The following EIF4A2 variants were observed in gnomAD, a reference collection of about 807,000 sequenced individuals.
The protein encoded by EIF4A2 is eukaryotic translation initiation factor 4A2, also known as eukaryotic initiation factor 4A-II.
Under a neutral mutation model 50.6 loss-of-function variants are expected in EIF4A2, and 9 were observed. The ratio of observed to expected loss-of-function variants is 0.18; its 90% confidence interval spans 0.11 to 0.31. EIF4A2 has a LOEUF of 0.31. EIF4A2 is among the 10% of genes least tolerant of loss of function. The pLI is 1.00. For missense variants in EIF4A2, 182 were observed against 501.8 expected, an observed-to-expected ratio of 0.36 and a Z score of 6.09; for synonymous variants, 215 against 164.4, an observed-to-expected ratio of 1.31 and a Z score of -2.35.
At chr3:186,786,338 C>CAATA (rs1553797962) in intron 6 of EIF4A2, 65 bp downstream of exon 6, 1 of 1,538,118 alleles carries the variant, frequency 6.5e-7, no homozygotes, top group Non-Finnish European at 8.8e-7. Context: ...GGTACTGTTA[C>CAATA]AATACAACTG....
At chr3:186,785,530 G>T in intron 4 of EIF4A2, 1 of 305,534 alleles carries the variant, frequency 3.3e-6, no homozygotes, top group Non-Finnish European at 6.1e-6. Flanking sequence ...GATTATATAA[G>T]GCACAATACC....
chr3:186,787,675 G>T, intron 9 of EIF4A2, 91 bp downstream of exon 9: 1 of 1,590,536 alleles, frequency 6.3e-7, no homozygotes, highest in Non-Finnish European at 8.6e-7. Context: ...TGGGCTATTT[G>T]GAAGAGTAAA....
chr3:186,786,616 A>G lies in EIF4A2; in HGVS notation c.742A>G (p.Lys248Glu). 6.2e-7 allele frequency: 1 copy of G among 1,614,076 alleles called. No homozygotes were observed. The change falls in exon 7 of 11, where the codon AAA becomes GAA. Residue 248 changes from lysine to glutamate, a missense_variant. Lys to Glu is a moderately conservative substitution (Grantham distance 56). Around this residue, in one of 7 missense-constraint regions of EIF4A2, gnomAD observed 113 missense variants for 357.3 expected, o/e 0.32. Coordinates refer to ENST00000323963, the MANE Select transcript of EIF4A2 (RefSeq NM_001967.4). ...GGAAGAATTGACCCTTGAAGGAATC[A>G]AACAGTTTTATATTAATGTTGAGAG... The part of the protein sequence containing the change: ...KKEELTLEGI[K>E]QFYINVEREE...
At position 186,786,558 on chromosome 3, in the gene EIF4A2, C is replaced by T. The variant is rs1348370482; in HGVS notation, c.684C>T (p.Phe228=). The change falls in exon 7 of 11, where the codon TTC becomes TTT. Residue 228 remains phenylalanine, a synonymous_variant. Transcript: ENST00000323963. Reference sequence around the variant, plus strand: ...ATGTGTTGGAAGTGACCAAAAAATTCATGAGAGATCCAATTCGAATTCTGG... The same window carrying T: ...ATGTGTTGGAAGTGACCAAAAAATTTATGAGAGATCCAATTCGAATTCTGG... ...PTDVLEVTKK[F]MRDPIRILVK... 2.5e-6 allele frequency: 4 copies of T among 1,613,240 alleles called. No homozygotes were observed. In the African/African-American group the frequency reaches 4.0e-5, roughly 16 times the overall value.
In EIF4A2 at chr3:186,789,345, CTTTGGGAATA is replaced by C. The variant is rs1430682843; in HGVS notation, c.*81_*90del. Reference sequence around the variant, plus strand: ...ATCACAACGTGCATTGTGCTTCTTTCTTTGGGAATATTTGAATCTTGTCTCAATGCTCATA... The same window carrying C: ...ATCACAACGTGCATTGTGCTTCTTTCTTTGAATCTTGTCTCAATGCTCATA... On this transcript the variant is annotated 3_prime_UTR_variant, in exon 11 of 11. Transcript: ENST00000323963. 2 of 1,511,504 alleles carry C rather than the reference CTTTGGGAATA, an allele frequency of 1.3e-6. No homozygotes were observed. Among genetic ancestry groups the C allele is most frequent in the African/African-American group, 2.8e-5 (2 of 71,336 alleles). The allele number at this position is 1,511,504 out of a possible 1,614,324, so 93.6% of individuals were successfully genotyped here.
chr3:186,785,302 AT>A (rs1721626785), intron 4 of EIF4A2: 10 of 695,592 alleles, frequency 1.4e-5, no homozygotes, highest in Middle Eastern at 4.1e-4. Context: ...ATACTAATAG[AT>A]TGAGAATCCG....
At chr3:186,787,736 T>G in intron 9 of EIF4A2, 67 bp from the exon 10 acceptor site, 1 of 1,604,896 alleles carries the variant, frequency 6.2e-7, no homozygotes, top group Non-Finnish European at 8.5e-7. Context: ...CGCTACTATT[T>G]TGTGGCCTAC....
At chr3:186,784,330 G>T (rs1029127128) in intron 1 of EIF4A2, 102 bp from the exon 2 acceptor site, 1 of 1,546,768 alleles carries the variant, frequency 6.5e-7, no homozygotes, top group Non-Finnish European at 8.9e-7. Context: ...AGCTTGTGCA[G>T]GGGAGGCTAA....
rs1350715504 is a variant in EIF4A2 at position 186,789,460 on chromosome 3, C to CT, written c.*194dup. On this transcript the variant is annotated 3_prime_UTR_variant, in exon 11 of 11. Coordinates refer to ENST00000323963, the MANE Select transcript of EIF4A2 (RefSeq NM_001967.4). ...TGAGGAAAGTCATTGGCTTTATCCT[C>CT]TTTAGAGTTAGACTGTTGGGGTGGG... The CT allele has an allele frequency of 4.5e-6, 3 of 668,874 alleles. No homozygotes were observed. The highest frequency in any genetic ancestry group is 1.9e-5 in the African/African-American group (1 of 53,344). The allele number at this position is 668,874 out of a possible 1,614,324, so 41.4% of individuals were successfully genotyped here. A position where few individuals can be genotyped will look rare whatever the true frequency, so the allele number is the denominator to read the frequency against.
Position 186,789,762 on chromosome 3 carries a change from T to TTA in EIF4A2, c.*493_*494insTA. ...TTTATTCAATAAAGTATTTAATTAG[T>TTA]GCTAAGTGTGAACTGGACCCTGTTG... On this transcript the variant is annotated 3_prime_UTR_variant, in exon 11 of 11. Coordinates refer to ENST00000323963, the MANE Select transcript of EIF4A2 (RefSeq NM_001967.4). 1 of 534,450 alleles carries TTA rather than the reference T, an allele frequency of 1.9e-6. No individual in the cohort carries two copies. The highest frequency in any genetic ancestry group is 3.3e-6 in the Non-Finnish European group (1 of 302,386). 33.1% of individuals were successfully genotyped at this position (534,450 alleles called of 1,614,324 possible).
At chr3:186,787,012 G>C in intron 7 of EIF4A2, 115 bp from the exon 8 acceptor site, 1 of 1,429,566 alleles carries the variant, frequency 7.0e-7, no homozygotes, top group Admixed American at 1.9e-5. Context: ...TAAGTGCTAG[G>C]ATCCCAAAGG....
At position 186,783,653 on chromosome 3, in the gene EIF4A2, T is replaced by G; in HGVS notation, c.29+14T>G. 1 of 1,614,152 alleles carries G rather than the reference T, an allele frequency of 6.2e-7. No homozygotes were observed. Among genetic ancestry groups the G allele is most frequent in the Non-Finnish European group, 8.5e-7 (1 of 1,180,016 alleles). On this transcript the variant is annotated intron_variant, in intron 1 of 10. Transcript: ENST00000323963. ...GGATTATAACAGGTATGCAGTCTGT[T>G]GGCGGTCGCGGTCTGTAGTGAAGGT...
chr3:186,784,261 A>C, intron 1 of EIF4A2, 171 bp from the exon 2 acceptor site: 1 of 933,986 alleles, frequency 1.1e-6, no homozygotes, highest in South Asian at 1.7e-5. Context: ...GGGCATCCGC[A>C]GGCCCCAACC....
chr3:186,789,062 C>CATG, intron 10 of EIF4A2, 63 bp from the exon 11 acceptor site: 1 of 1,527,384 alleles, frequency 6.5e-7, no homozygotes, highest in Non-Finnish European at 8.8e-7. Context: ...ACAAGTGGAT[C>CATG]GTCATGTTCA....
chr3:186,788,456 T>A (rs1341039917), intron 10 of EIF4A2: 7 of 1,230,520 alleles, frequency 5.7e-6, no homozygotes, highest in East Asian at 5.7e-5. Context: ...CATGATTATT[T>A]GATTTTTAAG....
chr3:186,784,370 CGCTTAA>C (rs1721567435), intron 1 of EIF4A2, 56 bp from the exon 2 acceptor site: 35 of 1,612,546 alleles, frequency 2.2e-5, no homozygotes, highest in Non-Finnish European at 2.8e-5. Flanking sequence ...AAGGGCTATG[CGCTTAA>C]GGTGCAGTTG....
intron 3 of EIF4A2, 58 bp downstream of exon 3, chr3:186,784,754 G>GA (rs926024001): frequency 2.5e-6 from 4 of 1,609,980 alleles, no homozygotes; most frequent in African/African-American, 2.7e-5. Context: ...CCATAAAAGG[G>GA]AAAGTAACCT....
chr3:186,789,801 A>G lies in EIF4A2; in HGVS notation c.*532A>G, dbSNP rs1033050793. 6.8e-6 allele frequency: 4 copies of G among 585,314 alleles called. No individual in the cohort carries two copies. Among genetic ancestry groups the G allele is most frequent in the Non-Finnish European group, 1.2e-5 (4 of 333,102 alleles). The allele number at this position is 585,314 out of a possible 1,614,324, so 36.3% of individuals were successfully genotyped here. ...TGGACCCTGTTGCTAAGCCCCAGCA[A>G]GCAATCCTAGGTAGGGTTTAATCCC... On this transcript the variant is annotated 3_prime_UTR_variant, in exon 11 of 11. Transcript: ENST00000323963.
chr3:186,789,027 ATAAG>A (rs1271813591), intron 10 of EIF4A2, 94 bp from the exon 11 acceptor site: 54 of 1,477,932 alleles, frequency 3.7e-5, no homozygotes, highest in Middle Eastern at 1.8e-4. Context: ...TATAACCTTG[ATAAG>A]TAAACAGCAG....
Sources: gnomAD v4.1 joint callset for allele counts on GRCh38, gnomAD v4.1.1 for gene constraint, gnomAD v4.1.1 regional missense constraint, MANE v1.5 for transcripts, NCBI Gene and HGNC (gene_info 2026-07-23, HGNC 2026-07-21) for gene names.